UBTD1: variants seen among roughly 807,000 people sequenced by gnomAD.
The protein encoded by UBTD1 is ubiquitin domain containing 1, also known as ubiquitin domain-containing protein 1.
In UBTD1, 19 loss-of-function variants were observed where a neutral mutation model predicts 21.7. The ratio of observed to expected loss-of-function variants is 0.87; its 90% CI spans 0.61 to 1.28. The LOEUF is 1.28. Ranked by LOEUF, UBTD1 falls within the 50% of genes most tolerant of loss-of-function variation. The probability of loss-of-function intolerance (pLI) is 0.00; values close to 1 mark genes in which losing one functional copy is unlikely to be tolerated. For missense variants in UBTD1, 282 were observed against 315.1 expected (o/e 0.89, Z 0.80); for synonymous variants, 116 against 135.1 (o/e 0.86, Z 0.98).
At chr10:97,536,078 C>T (rs1389134293) in intron 1 of UBTD1, among the ~76,000 whole-genome samples, 2 of 151,622 alleles carry the variant, frequency 1.3e-5, no homozygotes, top group Non-Finnish European at 2.9e-5. Flanking sequence ...CTGTAACCTC[C>T]GCCTCCCGGA....
rs1356249358 is a variant in UBTD1 at position 97,498,940 on chromosome 10, C to A, written c.-264C>A. 4 of 425,474 alleles carry A rather than the reference C, an allele frequency of 9.4e-6. No individual in the cohort carries two copies. In the South Asian group the frequency reaches 2.1e-4, roughly 22 times the overall value. The allele number at this position is 425,474 out of a possible 1,614,324, so 26.4% of individuals were successfully genotyped here. A position where few individuals can be genotyped will look rare whatever the true frequency, so the allele number is the denominator to read the frequency against. ...CCGCCCCCTCTCTCCGCCCCTCCAG[C>A]GGAGCTGGTCTCCGGCCGGGCACCG... On this transcript the variant is annotated 5_prime_UTR_variant, in exon 1 of 3. Transcript: ENST00000370664.
At chr10:97,531,109 C>G (rs2040529157) in intron 1 of UBTD1, among the ~76,000 whole-genome samples, 1 of 152,008 alleles carries the variant, frequency 6.6e-6, no homozygotes, top group South Asian at 2.1e-4. Context: ...GGATGGTCTC[C>G]ATCTCCTGAC....
chr10:97,561,223 G>A (rs948216158), intron 1 of UBTD1, among the ~76,000 whole-genome samples: 8 of 152,112 alleles, frequency 5.3e-5, no homozygotes, highest in East Asian at 1.9e-4. Context: ...CAGGCTGGCC[G>A]GAGTTCCCCA....
intron 1 of UBTD1, among the ~76,000 whole-genome samples, chr10:97,556,418 G>A (rs1017372920): frequency 6.6e-6 from 1 of 152,188 alleles, no homozygotes; most frequent in Non-Finnish European, 1.5e-5. Flanking sequence ...TTTCTCATCA[G>A]AGTCTCTTGC....
At chr10:97,533,058 A>G (rs1490968502) in intron 1 of UBTD1, among the ~76,000 whole-genome samples, 1 of 152,144 alleles carries the variant, frequency 6.6e-6, no homozygotes, top group Non-Finnish European at 1.5e-5. Flanking sequence ...TGACTCCTGC[A>G]TGGTGTTTCC....
rs1477506385 is a variant in UBTD1, at chr10:97,570,796, A to G, written c.*273A>G. On this transcript the variant is annotated 3_prime_UTR_variant, in exon 3 of 3. Coordinates refer to ENST00000370664, the MANE Select transcript of UBTD1 (RefSeq NM_024954.5). This position sits in a 1 kb window ranked among gnomAD's most constrained non-coding sequence, Gnocchi z 6.6. ...TCTCCCGAAGCAGGTTCGAGCCACA[A>G]GGGCCAACCAGGAGGCCCCTGGAGC... 6.9e-6 allele frequency: 3 copies of G among 433,422 alleles called. No homozygotes were observed. The highest frequency in any genetic ancestry group is 5.9e-5 in the African/African-American group (3 of 51,222). The allele number at this position is 433,422 out of a possible 1,614,324, so 26.8% of individuals were successfully genotyped here. A position where few individuals can be genotyped will look rare whatever the true frequency, so the allele number is the denominator to read the frequency against.
rs1263266109 is a variant in UBTD1, at chr10:97,570,087, C to G, written c.299-51C>G. 1 of 1,550,500 alleles carries G rather than the reference C, an allele frequency of 6.4e-7. No individual in the cohort carries two copies. The highest frequency in any genetic ancestry group is 8.7e-7 in the Non-Finnish European group (1 of 1,147,412). On this transcript the variant is annotated intron_variant, in intron 2 of 2. Transcript: ENST00000370664. The surrounding 1 kb of genome is among the most constrained non-coding windows in gnomAD (Gnocchi z 6.6). ...ATTTGGGGGGACCCAAACATTTAATCCATGATAGTGGATCCCCAAGCTGAC... is the reference window on the plus strand; with the variant it reads ...ATTTGGGGGGACCCAAACATTTAATGCATGATAGTGGATCCCCAAGCTGAC...
chr10:97,558,873 T>A (rs917485572), intron 1 of UBTD1, among the ~76,000 whole-genome samples: 3 of 152,290 alleles, frequency 2.0e-5, no homozygotes, highest in East Asian at 3.9e-4. Context: ...TACGATGTCT[T>A]ATTATTTTTT....
intron 1 of UBTD1, among the ~76,000 whole-genome samples, chr10:97,517,356 C>T (rs1444364952): frequency 1.3e-5 from 2 of 152,050 alleles, no homozygotes; most frequent in Non-Finnish European, 2.9e-5. Context: ...GGGATGTTTA[C>T]AGCAGGAAGG....
intron 1 of UBTD1, among the ~76,000 whole-genome samples, chr10:97,534,358 C>A (rs138930001): frequency 1.3e-5 from 2 of 152,300 alleles, no homozygotes; most frequent in East Asian, 3.9e-4. Flanking sequence ...TGGTACAATT[C>A]GCACAAAGCG....
At chr10:97,564,963 C>T (rs1282151850) in intron 1 of UBTD1, among the ~76,000 whole-genome samples, 2 of 152,174 alleles carry the variant, frequency 1.3e-5, no homozygotes, top group Non-Finnish European at 2.9e-5. Flanking sequence ...TCTTTAAATC[C>T]ACCTATGACC....
At chr10:97,515,924 T>C (rs944009559) in intron 1 of UBTD1, among the ~76,000 whole-genome samples, 2 of 152,174 alleles carry the variant, frequency 1.3e-5, no homozygotes, top group Non-Finnish European at 2.9e-5. Flanking sequence ...AGGGGAACTT[T>C]GACAGCCACA....
chr10:97,531,215 CTTT>C (rs11310713), intron 1 of UBTD1, among the ~76,000 whole-genome samples: 13 of 133,484 alleles, frequency 9.7e-5, no homozygotes, highest in East Asian at 2.2e-4. Flanking sequence ...CATATGCCAT[CTTT>C]TTTTTTTTTT....
rs562375242 is a variant in UBTD1, at chr10:97,533,464, G to A, written c.70+34191G>A. On this transcript the variant is annotated intron_variant, in intron 1 of 2. Transcript: ENST00000370664. Reference sequence around the variant, plus strand: ...CCATGGAAGGCCGCCTATATTCTACGCCATAGCGGGTGGGAGAAGGGTACG... The same window carrying A: ...CCATGGAAGGCCGCCTATATTCTACACCATAGCGGGTGGGAGAAGGGTACG... Among the ~76,000 whole-genome samples the A allele has an allele frequency of 2.4e-4, 36 of 152,268 alleles. No homozygotes were observed. The South Asian group carries it at 2.5e-3, about 11-fold the overall frequency.
At chr10:97,568,901 G>A (rs547206039) in intron 2 of UBTD1, among the ~76,000 whole-genome samples, 80 of 152,118 alleles carry the variant, frequency 5.3e-4, no homozygotes, top group South Asian at 4.2e-3. Context: ...TCGGCTCACC[G>A]CAACCTGCGC....
chr10:97,555,823 G>T (rs2040661523), intron 1 of UBTD1, among the ~76,000 whole-genome samples: 1 of 152,204 alleles, frequency 6.6e-6, no homozygotes, highest in Admixed American at 6.5e-5. Context: ...GCCAGGCGTG[G>T]TTTCGGGCCT....
chr10:97,562,201 C>T (rs887347617), intron 1 of UBTD1, among the ~76,000 whole-genome samples: 1 of 152,060 alleles, frequency 6.6e-6, no homozygotes, highest in Non-Finnish European at 1.5e-5. Flanking sequence ...GTCATGAGTT[C>T]GAGACCAACC....
At chr10:97,562,619 G>T (rs1369049615) in intron 1 of UBTD1, among the ~76,000 whole-genome samples, 3 of 152,118 alleles carry the variant, frequency 2.0e-5, no homozygotes, top group Non-Finnish European at 2.9e-5. Context: ...ACAAGGGCGG[G>T]GGAATATCAC....
intron 1 of UBTD1, among the ~76,000 whole-genome samples, chr10:97,505,658 GTTGT>G (rs1363845364): frequency 6.6e-6 from 1 of 152,194 alleles, no homozygotes; most frequent in African/African-American, 2.4e-5. Flanking sequence ...CTCCTTCCTA[GTTGT>G]TTGTGTGACT....
Sources: allele counts gnomAD v4.1 joint callset (sites outside exome capture counted in the v4.1 genomes callset), GRCh38; gene constraint gnomAD v4.1.1; non-coding constraint Gnocchi (gnomAD v3.1); transcripts MANE v1.5; gene names NCBI Gene and HGNC (gene_info 2026-07-23, HGNC 2026-07-21).